The following CTNNA3 variants were observed in gnomAD, a reference collection of about 807,000 sequenced individuals.
The protein encoded by CTNNA3 is catenin alpha-3.
In CTNNA3, 76 loss-of-function variants were observed where a neutral mutation model predicts 95.7. The ratio of observed to expected loss-of-function variants is 0.79; its 90% confidence interval spans 0.66 to 0.96. The LOEUF (loss-of-function observed/expected upper bound fraction) is 0.96, where lower values mean the gene tolerates loss of function less well. CTNNA3 is among the 40% of genes least tolerant of loss of function. The pLI, the probability that CTNNA3 is intolerant of heterozygous loss-of-function variation, is 0.00. For synonymous variants in CTNNA3, 431 were observed against 374.4 expected (o/e 1.15, Z -1.74); for missense variants, 1,191 against 1,089.8 (o/e 1.09, Z -1.31).
chr10:66,825,185 A>AT (rs147787484), intron 7 of CTNNA3, among the ~76,000 whole-genome samples: 2 of 147,984 alleles, frequency 1.4e-5, no homozygotes, highest in African/African-American at 5.0e-5. Context: ...AATAGCATAT[A>AT]TTTTTTAAAA....
intron 12 of CTNNA3, among the ~76,000 whole-genome samples, chr10:66,326,035 A>G (rs895256729): frequency 5.3e-5 from 8 of 152,148 alleles, no homozygotes; most frequent in African/African-American, 1.9e-4. Flanking sequence ...AATTGATGCA[A>G]ACTTTAGAGA....
intron 13 of CTNNA3, among the ~76,000 whole-genome samples, chr10:66,261,774 G>C (rs552221603): frequency 6.6e-6 from 1 of 152,014 alleles, no homozygotes; most frequent in African/African-American, 2.4e-5. Flanking sequence ...CAATTCCAGT[G>C]AAACAGCTGA....
intron 4 of CTNNA3, among the ~76,000 whole-genome samples, chr10:67,522,307 T>C (rs6480266): frequency 0.4 from 60,609 of 152,058 alleles, 15,387 homozygotes; most frequent in African/African-American, 0.69. Flanking sequence ...TGTATAATTT[T>C]AAATCATAAT....
At chr10:66,260,552 T>G (rs771536988) in intron 13 of CTNNA3, among the ~76,000 whole-genome samples, 16 of 152,130 alleles carry the variant, frequency 1.1e-4, no homozygotes, top group Non-Finnish European at 1.3e-4. Flanking sequence ...GATTTTTCAG[T>G]AAACCTTCAG....
At chr10:66,400,690 A>G (rs2093013596) in intron 11 of CTNNA3, among the ~76,000 whole-genome samples, 1 of 152,142 alleles carries the variant, frequency 6.6e-6, no homozygotes, top group Non-Finnish European at 1.5e-5. Flanking sequence ...AACTTGTCTC[A>G]TCAAGAAATG....
intron 13 of CTNNA3, among the ~76,000 whole-genome samples, chr10:66,116,931 A>C (rs575405596): frequency 2.0e-5 from 3 of 152,280 alleles, no homozygotes; most frequent in African/African-American, 7.2e-5. Context: ...CACACGATTC[A>C]ATCACCACCC....
In CTNNA3 at chr10:66,804,931, A is replaced by T. The variant is rs554951749; in HGVS notation, c.1048-29407T>A. 3.8e-4 allele frequency among the ~76,000 whole-genome samples: 58 copies of T among 152,206 alleles called. 1 individual carries two copies. The South Asian group carries it at 0.012, about 31-fold the overall frequency. The stretch of plus-strand genomic sequence containing the variant: ...TACAAAATTTTCCCCAATTGATAAG[A>T]GTAGTTCACAGTGCCTAAATGTTTG... On this transcript the variant is annotated intron_variant, in intron 7 of 17. Coordinates refer to ENST00000433211, the MANE Select transcript of CTNNA3 (RefSeq NM_013266.4).
At chr10:67,317,528 C>T (rs1361860155) in intron 5 of CTNNA3, among the ~76,000 whole-genome samples, 4 of 151,930 alleles carry the variant, frequency 2.6e-5, no homozygotes, top group African/African-American at 7.3e-5. Flanking sequence ...CGGGTTCAAA[C>T]GATTCTCCTG....
At chr10:67,313,859 T>A (rs910315260) in intron 5 of CTNNA3, among the ~76,000 whole-genome samples, 2 of 151,920 alleles carry the variant, frequency 1.3e-5, no homozygotes, top group African/African-American at 2.4e-5. Context: ...AAGAAGAGGG[T>A]CATACTAGGT....
At chr10:67,282,231 T>C (rs1839426408) in intron 5 of CTNNA3, among the ~76,000 whole-genome samples, 1 of 152,208 alleles carries the variant, frequency 6.6e-6, no homozygotes. Flanking sequence ...TAACTCTATA[T>C]TGAATCCCTA....
intron 11 of CTNNA3, among the ~76,000 whole-genome samples, chr10:66,479,570 T>C (rs1839442896): frequency 6.6e-6 from 1 of 152,214 alleles, no homozygotes; most frequent in South Asian, 2.1e-4. Flanking sequence ...TAAATGTCTC[T>C]ACCAGCACCC....
rs538081998 is a variant in CTNNA3 at position 67,305,517 on chromosome 10, A to G, written c.580-85647T>C. ...CTATGCTAACTATGCTAAAATCTAT[A>G]GAGAATCATGGAAGAATTTTAAATC... is the stretch of plus-strand genomic sequence containing the variant. On this transcript the variant is annotated intron_variant, in intron 5 of 17. Coordinates refer to ENST00000433211, the MANE Select transcript of CTNNA3 (RefSeq NM_013266.4). Among the ~76,000 whole-genome samples, 168 of 152,232 alleles carry G rather than the reference A, an allele frequency of 1.1e-3. 1 individual carries two copies. Among genetic ancestry groups the G allele is most frequent in the African/African-American group, 3.9e-3 (163 of 41,554 alleles).
At chr10:67,489,613 T>G (rs1848578351) in intron 5 of CTNNA3, among the ~76,000 whole-genome samples, 1 of 152,126 alleles carries the variant, frequency 6.6e-6, no homozygotes, top group Non-Finnish European at 1.5e-5. Context: ...TGCCAAATTG[T>G]TTTAAAACTG....
chr10:67,150,098 C>G (rs1379310128), intron 7 of CTNNA3, among the ~76,000 whole-genome samples: 1 of 152,092 alleles, frequency 6.6e-6, no homozygotes. Context: ...GTCAATTATG[C>G]ATATGAATAA....
chr10:67,109,627 G>T (rs767388780), intron 7 of CTNNA3, among the ~76,000 whole-genome samples: 2 of 152,046 alleles, frequency 1.3e-5, no homozygotes, highest in Non-Finnish European at 2.9e-5. Flanking sequence ...TGTGGATCAC[G>T]AGATCAAGAG....
chr10:66,785,790 A>T (rs545421743), intron 7 of CTNNA3, among the ~76,000 whole-genome samples: 1 of 152,240 alleles, frequency 6.6e-6, no homozygotes, highest in East Asian at 1.9e-4. Context: ...CGTTCTGTTT[A>T]TCTGTAGAAT....
intron 11 of CTNNA3, among the ~76,000 whole-genome samples, chr10:66,464,950 T>C (rs1160698166): frequency 6.6e-6 from 1 of 152,018 alleles, no homozygotes; most frequent in Non-Finnish European, 1.5e-5. Flanking sequence ...AAATATGAAC[T>C]TGTAAAGTGG....
At chr10:67,148,953 A>T (rs1860964868) in intron 7 of CTNNA3, among the ~76,000 whole-genome samples, 1 of 152,220 alleles carries the variant, frequency 6.6e-6, no homozygotes, top group African/African-American at 2.4e-5. Flanking sequence ...AATAAAGCTT[A>T]AATCTAATCT....
chr10:67,286,564 C>T lies in CTNNA3; in HGVS notation c.580-66694G>A, dbSNP rs1904618. On this transcript the variant is annotated intron_variant, in intron 5 of 17. Coordinates refer to ENST00000433211, the MANE Select transcript of CTNNA3 (RefSeq NM_013266.4). The stretch of plus-strand genomic sequence containing the variant: ...CAGAGTTGACACTTGATGAATGGTG[C>T]CTTTTATCTGCCCCCTCTGCAATTA... Among the ~76,000 whole-genome samples the T allele has an allele frequency of 2.9e-3, 438 of 152,250 alleles. 13 individuals carry two copies. The highest frequency in any genetic ancestry group is 0.019 in the Admixed American group (298 of 15,296).
Sources: allele counts gnomAD v4.1 joint callset (sites outside exome capture counted in the v4.1 genomes callset), GRCh38; gene constraint gnomAD v4.1.1; transcripts MANE v1.5; gene names NCBI Gene and HGNC (gene_info 2026-07-23, HGNC 2026-07-21).